Variants in CHL1 observed in about 807,000 individuals in gnomAD.
CHL1 encodes cell adhesion molecule L1 like.
CHL1 carries 96 observed loss-of-function variants against 141.9 expected under a neutral mutation model. That is an observed-to-expected ratio of 0.68 (90% CI 0.57 to 0.80). CHL1 has a LOEUF of 0.80. Among genes scored for constraint, CHL1 ranks in the 30% least tolerant of loss-of-function variants. The probability of loss-of-function intolerance (pLI) is 0.00; values close to 1 mark genes in which losing one functional copy is unlikely to be tolerated. For missense variants in CHL1, 1,820 were observed against 1,457.2 expected (o/e 1.25, Z -4.05); for synonymous variants, 613 against 502.2 (o/e 1.22, Z -2.95).
chr3:252,361 GATATATATATATATATATATATATATAT>G lies in CHL1; in HGVS notation c.-95+7682_-95+7709del, dbSNP rs71058760. ...AGCCACAGATTTAAGAAAGCATCCAGATATATATATATATATATATATATATATATATATATATATTTCTATTTTGGTA... is the reference window on the plus strand; with the variant it reads ...AGCCACAGATTTAAGAAAGCATCCAGATATATATATATTTCTATTTTGGTA... On this transcript the variant is annotated intron_variant, in intron 2 of 27. Coordinates refer to ENST00000256509, the MANE Select transcript of CHL1 (RefSeq NM_006614.4). Among the ~76,000 whole-genome samples, 19 of 54,292 alleles carry G rather than the reference GATATATATATATATATATATATATATAT, an allele frequency of 3.5e-4. 2 individuals are homozygous for G. The highest frequency in any genetic ancestry group is 2.0e-3 in the South Asian group (2 of 1,006). 35.6% of individuals were successfully genotyped at this position (54,292 alleles called of 152,430 possible).
At chr3:345,172 C>G (rs1272583823) in intron 9 of CHL1, among the ~76,000 whole-genome samples, 4 of 152,022 alleles carry the variant, frequency 2.6e-5, no homozygotes, top group Non-Finnish European at 5.9e-5. Context: ...TAACATTCTC[C>G]TTAGTTAAGT....
chr3:298,504 T>C (rs958992216), intron 2 of CHL1, among the ~76,000 whole-genome samples: 4 of 152,204 alleles, frequency 2.6e-5, no homozygotes, highest in African/African-American at 9.7e-5. Context: ...TATATTCAGA[T>C]ACTTGCATAG....
chr3:241,368 T>C (rs961117827), intron 1 of CHL1, among the ~76,000 whole-genome samples: 1 of 152,156 alleles, frequency 6.6e-6, no homozygotes, highest in African/African-American at 2.4e-5. Flanking sequence ...AGAGGGTATG[T>C]TGTGTGAAAA....
intron 5 of CHL1, among the ~76,000 whole-genome samples, chr3:332,654 G>A (rs919062152): frequency 9.2e-5 from 14 of 152,270 alleles, no homozygotes; most frequent in African/African-American, 3.4e-4. Flanking sequence ...CCAGTGACAT[G>A]TCAACCTGAA....
At chr3:344,550 A>T in intron 8 of CHL1, 39 bp from the exon 9 acceptor site, 1 of 1,535,348 alleles carries the variant, frequency 6.5e-7, no homozygotes, top group Non-Finnish European at 8.9e-7. Context: ...TATGTATATT[A>T]ATTTGAAAAA....
chr3:275,353 A>G (rs1273617570), intron 2 of CHL1, among the ~76,000 whole-genome samples: 1 of 152,208 alleles, frequency 6.6e-6, no homozygotes, highest in Non-Finnish European at 1.5e-5. Flanking sequence ...GAAACCACTC[A>G]TTTGCAGGAC....
chr3:211,417 C>G (rs1363118121), intron 1 of CHL1, among the ~76,000 whole-genome samples: 1 of 152,196 alleles, frequency 6.6e-6, no homozygotes, highest in Non-Finnish European at 1.5e-5. Flanking sequence ...GTAGAGCTTT[C>G]TTGAGCTGCT....
At chr3:287,488 T>A (rs1228482225) in intron 2 of CHL1, among the ~76,000 whole-genome samples, 1 of 152,208 alleles carries the variant, frequency 6.6e-6, no homozygotes, top group Non-Finnish European at 1.5e-5. Flanking sequence ...TTTTTTACAG[T>A]AGAGGTGCTT....
intron 2 of CHL1, among the ~76,000 whole-genome samples, chr3:310,658 T>C (rs1461078789): frequency 6.6e-6 from 1 of 152,220 alleles, no homozygotes; most frequent in African/African-American, 2.4e-5. Context: ...CTACCGGTTC[T>C]GCATATGCAC....
At chr3:215,017 A>G (rs1700199202) in intron 1 of CHL1, among the ~76,000 whole-genome samples, 1 of 152,046 alleles carries the variant, frequency 6.6e-6, no homozygotes, top group African/African-American at 2.4e-5. Flanking sequence ...CATCACATCA[A>G]TTGTGTTGAA....
intron 5 of CHL1, among the ~76,000 whole-genome samples, chr3:331,448 C>T (rs9838984): frequency 0.085 from 12,955 of 151,894 alleles, 1,864 homozygotes; most frequent in African/African-American, 0.29. Context: ...CACTATGTTG[C>T]CCCGGGTGGT....
chr3:284,670 T>G (rs1696970816), intron 2 of CHL1, among the ~76,000 whole-genome samples: 1 of 152,162 alleles, frequency 6.6e-6, no homozygotes, highest in African/African-American at 2.4e-5. Flanking sequence ...CTTCATGACA[T>G]TATATGTTGC....
At chr3:357,563 G>C (rs565991287) in intron 11 of CHL1, among the ~76,000 whole-genome samples, 1 of 152,162 alleles carries the variant, frequency 6.6e-6, no homozygotes, top group Non-Finnish European at 1.5e-5. Context: ...ATTAACTCCA[G>C]AGCTGAAGTT....
intron 1 of CHL1, chr3:197,956 G>C: frequency 2.7e-6 from 1 of 372,348 alleles, no homozygotes; most frequent in Non-Finnish European, 5.4e-6. Context: ...GATTGGAGCC[G>C]GGAGGCTGGG....
chr3:242,553 G>A (rs767476065), intron 1 of CHL1, among the ~76,000 whole-genome samples: 3 of 151,896 alleles, frequency 2.0e-5, no homozygotes, highest in Non-Finnish European at 2.9e-5. Context: ...CCGAGATTGT[G>A]CCACTGCACT....
chr3:319,591 CAAAA>C (rs35995557), intron 2 of CHL1, 88 bp from the exon 3 acceptor site: 2,632 of 301,196 alleles, frequency 8.7e-3, no homozygotes, highest in South Asian at 0.01. Flanking sequence ...ACTGCCAAAC[CAAAA>C]AAAAAAAAAA....
chr3:394,847 G>A lies in CHL1; in HGVS notation c.3069G>A (p.Glu1023=). 1 of 1,612,924 alleles carries A rather than the reference G, an allele frequency of 6.2e-7. No homozygotes were observed. Among genetic ancestry groups the A allele is most frequent in the Non-Finnish European group, 8.5e-7 (1 of 1,179,584 alleles). Residue 1023 remains glutamate (E), a synonymous_variant, in exon 24 of 28, where the codon GAG becomes GAA. Transcript: ENST00000256509. Reference sequence around the variant, plus strand: ...AGGGCTGTGGAAAACCGATCACGGAGGAAAGCTCCACCTTAGGAGAAGGGA... The same window carrying A: ...AGGGCTGTGGAAAACCGATCACGGAAGAAAGCTCCACCTTAGGAGAAGGGA... The part of the protein sequence containing the change: ...TSQGCGKPIT[E]ESSTLGEGSK...
At chr3:374,971 T>C (rs1706130677) in intron 15 of CHL1, among the ~76,000 whole-genome samples, 1 of 152,116 alleles carries the variant, frequency 6.6e-6, no homozygotes, top group Non-Finnish European at 1.5e-5. Context: ...TTCTCGCTTG[T>C]CCCCTTTCTT....
chr3:344,528 G>A, intron 8 of CHL1, 61 bp from the exon 9 acceptor site: 2 of 1,310,620 alleles, frequency 1.5e-6, no homozygotes, highest in Non-Finnish European at 1.1e-6. Context: ...AAGATGTGGT[G>A]TCACAGAATT....
Sources: gnomAD v4.1 joint callset for allele counts (sites outside exome capture counted in the v4.1 genomes callset) on GRCh38, gnomAD v4.1.1 for gene constraint, MANE v1.5 for transcripts, NCBI Gene and HGNC (gene_info 2026-07-23, HGNC 2026-07-21) for gene names.